ATXN7L1: variants seen among roughly 807,000 people sequenced by gnomAD.
ATXN7L1 encodes the protein ataxin-7-like protein 1.
In ATXN7L1, 15 loss-of-function variants were observed where a neutral mutation model predicts 70.8. That is an observed-to-expected ratio of 0.21 (90% CI 0.14 to 0.33). The LOEUF is 0.33. Ranked by LOEUF, ATXN7L1 falls within the 10% of genes least tolerant of loss-of-function variation. The probability of loss-of-function intolerance (pLI) is 1.00; values close to 1 mark genes in which losing one functional copy is unlikely to be tolerated. For synonymous variants in ATXN7L1, 440 were observed against 445.1 expected (o/e 0.99, Z 0.14); for missense variants, 975 against 1,097.1 (o/e 0.89, Z 1.57).
intron 3 of ATXN7L1, among the ~76,000 whole-genome samples, chr7:105,716,011 G>C (rs917813088): frequency 1.3e-5 from 2 of 152,242 alleles, no homozygotes; most frequent in East Asian, 1.9e-4. Flanking sequence ...GTGGAGGCGG[G>C]GGGGATGGGA....
At chr7:105,756,733 C>T (rs560327342) in intron 3 of ATXN7L1, among the ~76,000 whole-genome samples, 37 of 152,234 alleles carry the variant, frequency 2.4e-4, no homozygotes, top group African/African-American at 7.7e-4. Context: ...CAGGCAGGCC[C>T]ATGAACATAA....
At chr7:105,645,299 A>G (rs1444478333) in intron 4 of ATXN7L1, among the ~76,000 whole-genome samples, 2 of 152,214 alleles carry the variant, frequency 1.3e-5, no homozygotes, top group African/African-American at 4.8e-5. Flanking sequence ...ACATGTACAA[A>G]CTAAAAAAAA....
intron 3 of ATXN7L1, among the ~76,000 whole-genome samples, chr7:105,725,334 C>T (rs968772597): frequency 3.9e-5 from 6 of 152,194 alleles, no homozygotes; most frequent in Non-Finnish European, 7.3e-5. Flanking sequence ...TTGCACTCCC[C>T]ATGCCGGAGC....
chr7:105,768,761 T>C (rs1203508485), intron 3 of ATXN7L1, among the ~76,000 whole-genome samples: 1 of 152,238 alleles, frequency 6.6e-6, no homozygotes, highest in Non-Finnish European at 1.5e-5. Flanking sequence ...GTAATCTTCC[T>C]TCAGAGTCAA....
chr7:105,759,320 A>C (rs1800217910), intron 3 of ATXN7L1, among the ~76,000 whole-genome samples: 1 of 151,882 alleles, frequency 6.6e-6, no homozygotes, highest in Admixed American at 6.6e-5. Flanking sequence ...GCTCAGATCC[A>C]GCTTGGGCCA....
intron 4 of ATXN7L1, among the ~76,000 whole-genome samples, chr7:105,646,717 C>T (rs927412843): frequency 4.1e-5 from 6 of 144,916 alleles, no homozygotes; most frequent in Non-Finnish European, 5.9e-5. Flanking sequence ...TGCTCCCAGC[C>T]GAGGCCAGGT....
At chr7:105,767,837 G>T (rs1308774811) in intron 3 of ATXN7L1, among the ~76,000 whole-genome samples, 1 of 152,182 alleles carries the variant, frequency 6.6e-6, no homozygotes, top group Non-Finnish European at 1.5e-5. Context: ...GCCCATGTGG[G>T]CACTGGCTTG....
chr7:105,716,310 A>T (rs1006688839), intron 3 of ATXN7L1, among the ~76,000 whole-genome samples: 24 of 152,184 alleles, frequency 1.6e-4, no homozygotes, highest in Admixed American at 1.2e-3. Flanking sequence ...CTGTAATATG[A>T]AATTTCAATA....
intron 9 of ATXN7L1, among the ~76,000 whole-genome samples, chr7:105,615,959 C>T (rs532427061): frequency 1.2e-4 from 19 of 152,320 alleles, no homozygotes; most frequent in Admixed American, 9.1e-4. Context: ...TGCTGCTACT[C>T]TGGGGACCGG....
chr7:105,649,522 C>T lies in ATXN7L1; in HGVS notation c.579-6401G>A. ...CTCTGGCTTTAAGAAACATGGTTCT[C>T]TTGGCATCAAGTAGATTCCCCTCCC... On this transcript the variant is annotated intron_variant, in intron 4 of 11. Transcript: ENST00000419735. 5.1e-6 allele frequency: 5 copies of T among 987,814 alleles called. No homozygotes were observed. The South Asian group carries it at 2.3e-4, about 46-fold the overall frequency. The allele number at this position is 987,814 out of a possible 1,614,324, so 61.2% of individuals were successfully genotyped here. A position where few individuals can be genotyped will look rare whatever the true frequency, so the allele number is the denominator to read the frequency against.
At chr7:105,797,576 G>C (rs1490904161) in intron 2 of ATXN7L1, among the ~76,000 whole-genome samples, 4 of 152,268 alleles carry the variant, frequency 2.6e-5, no homozygotes, top group African/African-American at 9.6e-5. Flanking sequence ...GGAAGCCCAA[G>C]TTCAAATTTG....
Position 105,635,903 on chromosome 7 carries a change from T to C in ATXN7L1, c.1202+2450A>G, listed in dbSNP as rs78842823. Among the ~76,000 whole-genome samples, 1,333 of 151,774 alleles carry C rather than the reference T, an allele frequency of 8.8e-3. 35 individuals carry two copies. The highest frequency in any genetic ancestry group is 0.031 in the African/African-American group (1,275 of 41,346). Reference sequence around the variant, plus strand: ...GTGTAGATGAAACATCTATTATATATACATCAATATGAGTAAAGCAACGTT... The same window carrying C: ...GTGTAGATGAAACATCTATTATATACACATCAATATGAGTAAAGCAACGTT... On this transcript the variant is annotated intron_variant, in intron 7 of 11. Transcript: ENST00000419735.
intron 2 of ATXN7L1, among the ~76,000 whole-genome samples, chr7:105,843,224 A>G (rs1813487488): frequency 6.6e-6 from 1 of 152,210 alleles, no homozygotes. Context: ...ACCAGCTCAC[A>G]AAAGCTTCCA....
At chr7:105,653,534 T>A (rs1254680674) in intron 4 of ATXN7L1, among the ~76,000 whole-genome samples, 1 of 152,198 alleles carries the variant, frequency 6.6e-6, no homozygotes. Context: ...TGAAATTCAG[T>A]CACTCACAAG....
chr7:105,852,700 T>C (rs563066913), intron 2 of ATXN7L1, among the ~76,000 whole-genome samples: 1 of 151,700 alleles, frequency 6.6e-6, no homozygotes, highest in South Asian at 2.1e-4. Context: ...GTCACATCAG[T>C]TCTCTCCAGG....
At chr7:105,844,061 G>A (rs1813613714) in intron 2 of ATXN7L1, among the ~76,000 whole-genome samples, 1 of 152,130 alleles carries the variant, frequency 6.6e-6, no homozygotes, top group Admixed American at 6.5e-5. Flanking sequence ...GATGTTGACT[G>A]GAGGGCCTCC....
In ATXN7L1 at chr7:105,650,305, A is replaced by G. The variant is rs567689130; in HGVS notation, c.579-7184T>C. On this transcript the variant is annotated intron_variant, in intron 4 of 11. Coordinates refer to ENST00000419735, the MANE Select transcript of ATXN7L1 (RefSeq NM_020725.2). ...GTATTTTTGCGGTGTGTCTGGAAAA[A>G]TATTGGGAAAACTTTCAGAAAGCCT... 3.9e-5 allele frequency among the ~76,000 whole-genome samples: 6 copies of G among 152,340 alleles called. No homozygotes were observed. The South Asian group carries it at 1.2e-3, about 32-fold the overall frequency.
chr7:105,677,016 G>C lies in ATXN7L1; in HGVS notation c.356-11728C>G, dbSNP rs182475785. 2.2e-3 allele frequency among the ~76,000 whole-genome samples: 341 copies of C among 152,348 alleles called. 2 individuals are homozygous for C. The highest frequency in any genetic ancestry group is 1.3e-3 in the Non-Finnish European group (89 of 68,036). ...CTTTGCCCTGGTGCCTTGAGCTAAGGCCTCATGGCTTGCCAGGCCCCGTGG... is the reference window on the plus strand; with the variant it reads ...CTTTGCCCTGGTGCCTTGAGCTAAGCCCTCATGGCTTGCCAGGCCCCGTGG... On this transcript the variant is annotated intron_variant, in intron 3 of 11. Coordinates refer to ENST00000419735, the MANE Select transcript of ATXN7L1 (RefSeq NM_020725.2).
intron 1 of ATXN7L1, 111 bp from the exon 2 acceptor site, chr7:105,875,991 C>T (rs1819216946): frequency 4.2e-6 from 4 of 945,844 alleles, no homozygotes; most frequent in Non-Finnish European, 6.6e-6. Flanking sequence ...GATATAAATA[C>T]TGTATATGAA....
Sources: gnomAD v4.1 joint callset for allele counts (sites outside exome capture counted in the v4.1 genomes callset) on GRCh38, gnomAD v4.1.1 for gene constraint, MANE v1.5 for transcripts, NCBI Gene and HGNC (gene_info 2026-07-23, HGNC 2026-07-21) for gene names.